The following SPATA6 variants were observed in gnomAD, a reference collection of about 807,000 sequenced individuals.
The protein encoded by SPATA6 is spermatogenesis associated 6, also known as spermatogenesis-associated protein 6.
A neutral mutation model predicts 65.3 loss-of-function variants in SPATA6; 56 were observed. The ratio of observed to expected loss-of-function variants is 0.86; its 90% CI spans 0.69 to 1.07. The LOEUF (loss-of-function observed/expected upper bound fraction) is 1.07, where lower values mean the gene tolerates loss of function less well. SPATA6 is among the 50% of genes least tolerant of loss of function. SPATA6 has a pLI of 0.00. For missense variants in SPATA6, 590 were observed against 594.8 expected, an observed-to-expected ratio of 0.99 and a Z score of 0.08; for synonymous variants, 199 against 213.2, an observed-to-expected ratio of 0.93 and a Z score of 0.58.
At chr1:48,458,079 G>T (rs187665208) in intron 1 of SPATA6, among the ~76,000 whole-genome samples, 31 of 149,084 alleles carry the variant, frequency 2.1e-4, no homozygotes, top group Non-Finnish European at 2.8e-4. Flanking sequence ...GATGCTAATT[G>T]TAAACCCCAG....
chr1:48,442,663 G>C (rs112524854), intron 3 of SPATA6, among the ~76,000 whole-genome samples: 1 of 130,006 alleles, frequency 7.7e-6, no homozygotes, highest in East Asian at 2.6e-4. Flanking sequence ...CAAAGAGGGA[G>C]TCAGAAAGAG....
chr1:48,411,223 A>G (rs955423546), intron 5 of SPATA6, among the ~76,000 whole-genome samples: 36 of 152,352 alleles, frequency 2.4e-4, no homozygotes, highest in African/African-American at 8.4e-4. Context: ...TTAGATTTCA[A>G]TATGTTTAAG....
intron 9 of SPATA6, among the ~76,000 whole-genome samples, chr1:48,369,014 A>G (rs1647134870): frequency 1.3e-5 from 2 of 152,284 alleles, no homozygotes; most frequent in Non-Finnish European, 2.9e-5. Flanking sequence ...CTTCTGACAG[A>G]CAGGACCCTC....
chr1:48,395,135 G>T, intron 8 of SPATA6, 132 bp downstream of exon 8: 1 of 540,060 alleles, frequency 1.9e-6, no homozygotes, highest in Non-Finnish European at 2.9e-6. Context: ...CATACAAGTT[G>T]TAAAAAGCTA....
At chr1:48,369,115 T>G (rs1487338360) in intron 9 of SPATA6, among the ~76,000 whole-genome samples, 4 of 152,168 alleles carry the variant, frequency 2.6e-5, no homozygotes, top group Non-Finnish European at 5.9e-5. Flanking sequence ...CGGATTTTCG[T>G]GAACCGCGAA....
At chr1:48,422,280 G>A (rs1412400752) in intron 3 of SPATA6, among the ~76,000 whole-genome samples, 2 of 152,162 alleles carry the variant, frequency 1.3e-5, no homozygotes, top group African/African-American at 2.4e-5. Flanking sequence ...AGGCAGTGAC[G>A]AATGACAAAG....
chr1:48,358,861 C>A (rs1001714810), intron 10 of SPATA6, among the ~76,000 whole-genome samples: 5 of 152,168 alleles, frequency 3.3e-5, no homozygotes, highest in African/African-American at 1.2e-4. Context: ...AGTAAACAGA[C>A]AAACCTGTAT....
At chr1:48,373,641 A>C (rs1003829162) in intron 9 of SPATA6, among the ~76,000 whole-genome samples, 5 of 152,220 alleles carry the variant, frequency 3.3e-5, no homozygotes, top group African/African-American at 1.2e-4. Flanking sequence ...AAAGACATAC[A>C]CAAGACTGGG....
intron 3 of SPATA6, among the ~76,000 whole-genome samples, chr1:48,424,886 A>G (rs575714538): frequency 1.3e-5 from 2 of 152,308 alleles, no homozygotes; most frequent in East Asian, 3.9e-4. Flanking sequence ...TATTCTGGTT[A>G]TTAATCCCTT....
chr1:48,286,074 C>A, the SPATA6 span, among the ~76,000 whole-genome samples: 1 of 152,070 alleles, frequency 6.6e-6, no homozygotes, highest in African/African-American at 2.4e-5. Context: ...TTTATTATAG[C>A]TTTGTAATAA....
At chr1:48,378,181 C>T (rs1207723174) in intron 9 of SPATA6, among the ~76,000 whole-genome samples, 2 of 152,154 alleles carry the variant, frequency 1.3e-5, no homozygotes, top group Non-Finnish European at 2.9e-5. Context: ...AATGAGTTTA[C>T]CAGTTGTTAT....
intron 2 of SPATA6, among the ~76,000 whole-genome samples, chr1:48,452,599 G>A (rs1656674205): frequency 6.6e-6 from 1 of 152,092 alleles, no homozygotes; most frequent in Non-Finnish European, 1.5e-5. Flanking sequence ...GACCAGACTG[G>A]TCTCGAACTC....
At chr1:48,423,904 G>T (rs1253221629) in intron 3 of SPATA6, among the ~76,000 whole-genome samples, 1 of 152,014 alleles carries the variant, frequency 6.6e-6, no homozygotes, top group Admixed American at 6.5e-5. Flanking sequence ...TATTTATGGG[G>T]TACATGAGAT....
intron 3 of SPATA6, among the ~76,000 whole-genome samples, chr1:48,423,444 G>A (rs1423489275): frequency 7.3e-6 from 1 of 137,358 alleles, no homozygotes. Context: ...CAACAAAAGC[G>A]AAACTCCATC....
chr1:48,433,445 T>G (rs1201764366), intron 3 of SPATA6, among the ~76,000 whole-genome samples: 1 of 152,188 alleles, frequency 6.6e-6, no homozygotes, highest in Non-Finnish European at 1.5e-5. Context: ...ATTTTGTAAC[T>G]GTCTACTATC....
intron 11 of SPATA6, among the ~76,000 whole-genome samples, chr1:48,331,092 G>A (rs975346914): frequency 2.0e-5 from 3 of 152,292 alleles, no homozygotes; most frequent in Non-Finnish European, 2.9e-5. Context: ...TCAAAGGACA[G>A]CAAATTCAAA....
At chr1:48,327,295 G>A (rs1645791755) in intron 11 of SPATA6, among the ~76,000 whole-genome samples, 1 of 152,040 alleles carries the variant, frequency 6.6e-6, no homozygotes, top group African/African-American at 2.4e-5. Context: ...ACCACAATGA[G>A]ATATCATCTC....
At chr1:48,362,479 G>A (rs1646844428) in intron 9 of SPATA6, among the ~76,000 whole-genome samples, 1 of 152,058 alleles carries the variant, frequency 6.6e-6, no homozygotes, top group Admixed American at 6.6e-5. Flanking sequence ...TTTTATAGGT[G>A]ACTACCACTG....
intron 3 of SPATA6, among the ~76,000 whole-genome samples, chr1:48,427,403 T>C (rs182549338): frequency 8.1e-6 from 1 of 123,594 alleles, no homozygotes; most frequent in East Asian, 2.4e-4. Flanking sequence ...CAAAATACTA[T>C]AATAGTAGTT....
Sources: allele counts gnomAD v4.1 joint callset (sites outside exome capture counted in the v4.1 genomes callset), GRCh38; gene constraint gnomAD v4.1.1; transcripts MANE v1.5; gene names NCBI Gene and HGNC (gene_info 2026-07-23, HGNC 2026-07-21).